CMSS1: variants seen among roughly 807,000 people sequenced by gnomAD.
The protein encoded by CMSS1 is protein CMSS1.
Under a neutral mutation model 43.5 loss-of-function variants are expected in CMSS1, and 33 were observed. The observed-to-expected ratio is 0.76, with a 90% CI of 0.57 to 1.01. The LOEUF (loss-of-function observed/expected upper bound fraction) is 1.01. Ranked by LOEUF, CMSS1 falls within the 50% of genes least tolerant of loss-of-function variation. The probability of loss-of-function intolerance (pLI) is 0.00; values close to 1 mark genes in which losing one functional copy is unlikely to be tolerated. For synonymous variants in CMSS1, 115 were observed against 117.2 expected (o/e 0.98, Z 0.12); for missense variants, 313 against 326.4 (o/e 0.96, Z 0.32).
intron 1 of CMSS1, among the ~76,000 whole-genome samples, chr3:99,981,165 G>A (rs1448230490): frequency 1.3e-5 from 2 of 152,196 alleles, no homozygotes; most frequent in African/African-American, 4.8e-5. Flanking sequence ...GTGCTGGGAT[G>A]TGGTGCCAAT....
At chr3:100,011,358 C>T (rs1183190171) in intron 1 of CMSS1, among the ~76,000 whole-genome samples, 2 of 152,106 alleles carry the variant, frequency 1.3e-5, no homozygotes, top group Non-Finnish European at 2.9e-5. Flanking sequence ...ATGCCATGCC[C>T]AGCGTGTTTC....
chr3:99,826,810 G>A (rs1204409631), intron 1 of CMSS1, among the ~76,000 whole-genome samples: 2 of 152,140 alleles, frequency 1.3e-5, no homozygotes, highest in Non-Finnish European at 1.5e-5. Flanking sequence ...GTAAATAAAT[G>A]AAGGACCAGG....
intron 1 of CMSS1, among the ~76,000 whole-genome samples, chr3:100,139,376 A>C (rs1000684785): frequency 6.6e-6 from 1 of 151,772 alleles, no homozygotes; most frequent in African/African-American, 2.4e-5. Context: ...ACATTTTTTT[A>C]ATTGATTAAA....
At chr3:100,150,496 G>A (rs114512202) in intron 2 of CMSS1, among the ~76,000 whole-genome samples, 507 of 152,278 alleles carry the variant, frequency 3.3e-3, no homozygotes, top group African/African-American at 0.011. Context: ...AATATCACCA[G>A]GCAAGAGCAT....
chr3:99,987,362 C>G (rs571201205), intron 1 of CMSS1, among the ~76,000 whole-genome samples: 10 of 151,198 alleles, frequency 6.6e-5, no homozygotes, highest in African/African-American at 1.9e-4. Flanking sequence ...AACCTTGCCT[C>G]TACTAAAAAT....
intron 1 of CMSS1, among the ~76,000 whole-genome samples, chr3:99,907,148 G>C (rs1273148530): frequency 1.3e-5 from 2 of 152,156 alleles, no homozygotes; most frequent in East Asian, 1.9e-4. Context: ...CTTCAACTCA[G>C]ATCTTCAGCT....
At chr3:100,165,070 A>G (rs1235853545) in intron 4 of CMSS1, among the ~76,000 whole-genome samples, 1 of 152,120 alleles carries the variant, frequency 6.6e-6, no homozygotes, top group Non-Finnish European at 1.5e-5. Context: ...GGAACTTCTT[A>G]AAAATCAGAT....
intron 1 of CMSS1, among the ~76,000 whole-genome samples, chr3:100,142,871 C>T (rs533287672): frequency 5.9e-5 from 9 of 152,270 alleles, no homozygotes; most frequent in Admixed American, 3.9e-4. Flanking sequence ...TTTTAGTCAA[C>T]ACTGGGTCAA....
intron 1 of CMSS1, among the ~76,000 whole-genome samples, chr3:100,002,700 G>T (rs780490263): frequency 6.2e-4 from 94 of 152,196 alleles, no homozygotes; most frequent in Non-Finnish European, 9.4e-4. Context: ...TCATCTAATT[G>T]TACATGTGGA....
intron 1 of CMSS1, among the ~76,000 whole-genome samples, chr3:100,007,774 T>C (rs970146512): frequency 6.6e-6 from 1 of 152,130 alleles, no homozygotes; most frequent in Admixed American, 6.5e-5. Context: ...ATAGTACTGA[T>C]AGAAAAAATA....
intron 8 of CMSS1, chr3:100,176,120 A>G (rs1251911758): frequency 4.4e-6 from 2 of 450,278 alleles, no homozygotes; most frequent in African/African-American, 4.0e-5. Flanking sequence ...TTTCCTCAGG[A>G]GGAGTGATGA....
intron 1 of CMSS1, chr3:99,964,183 A>G (rs1326017676): frequency 3.9e-5 from 6 of 152,386 alleles, no homozygotes; most frequent in Admixed American, 3.3e-4. Context: ...TGATAATTCT[A>G]TCTTCCAAAT....
At chr3:99,923,164 G>T (rs1248513038) in intron 1 of CMSS1, among the ~76,000 whole-genome samples, 5 of 151,656 alleles carry the variant, frequency 3.3e-5, no homozygotes, top group Non-Finnish European at 1.5e-5. Flanking sequence ...ATGTATTCTA[G>T]GGTTCCCTTT....
intron 1 of CMSS1, among the ~76,000 whole-genome samples, chr3:99,979,446 A>G (rs1709058136): frequency 1.3e-5 from 2 of 152,214 alleles, no homozygotes; most frequent in African/African-American, 4.8e-5. Flanking sequence ...AGTAATTTCT[A>G]TGTGGGAACT....
chr3:99,919,933 T>C (rs969113221), intron 1 of CMSS1, among the ~76,000 whole-genome samples: 4 of 152,222 alleles, frequency 2.6e-5, no homozygotes, highest in Non-Finnish European at 5.9e-5. Flanking sequence ...TTCTATCTAG[T>C]CAAACTTGGA....
rs746954742 is a variant in CMSS1, at chr3:99,982,410, G to A, written c.64+164367G>A. Among the ~76,000 whole-genome samples the A allele has an allele frequency of 2.2e-4, 33 of 152,056 alleles. 1 individual carries two copies. The South Asian group carries it at 3.3e-3, about 15-fold the overall frequency. ...GCTAGCATGTAGTGGCGCATTCATG[G>A]CTCAAACCCATCGTCAGCCTCCTGG... On this transcript the variant is annotated intron_variant, in intron 1 of 9. Transcript: ENST00000421999.
At chr3:99,862,324 A>C (rs1392751945) in intron 1 of CMSS1, among the ~76,000 whole-genome samples, 1 of 152,188 alleles carries the variant, frequency 6.6e-6, no homozygotes, top group Non-Finnish European at 1.5e-5. Flanking sequence ...AGCTGACCTA[A>C]AGTAGGGGTC....
chr3:100,139,632 C>G (rs1322454420), intron 1 of CMSS1, among the ~76,000 whole-genome samples: 1 of 143,678 alleles, frequency 7.0e-6, no homozygotes, highest in Admixed American at 7.0e-5. Flanking sequence ...TATATATATA[C>G]ACACACACAC....
chr3:100,153,381 C>G (rs182486927), intron 2 of CMSS1, among the ~76,000 whole-genome samples: 1 of 152,324 alleles, frequency 6.6e-6, no homozygotes, highest in Non-Finnish European at 1.5e-5. Context: ...TAGTATTTCA[C>G]TTCTTTTTAT....
Sources: allele counts gnomAD v4.1 joint callset (sites outside exome capture counted in the v4.1 genomes callset), GRCh38; gene constraint gnomAD v4.1.1; transcripts MANE v1.5; gene names NCBI Gene and HGNC (gene_info 2026-07-23, HGNC 2026-07-21).